Variants in DNER observed in about 807,000 individuals in gnomAD.
The protein encoded by DNER is delta/notch like EGF repeat containing.
DNER carries 33 observed loss-of-function variants against 78.2 expected under a neutral mutation model. The ratio of observed to expected loss-of-function variants is 0.42; its 90% CI spans 0.32 to 0.56. The LOEUF (loss-of-function observed/expected upper bound fraction) is 0.56, where lower values mean the gene tolerates loss of function less well. Ranked by LOEUF, DNER falls within the 20% of genes least tolerant of loss-of-function variation. DNER has a pLI of 0.11. For synonymous variants in DNER, 417 were observed against 384.8 expected, an observed-to-expected ratio of 1.08 and a Z score of -0.98; for missense variants, 918 against 975.3, an observed-to-expected ratio of 0.94 and a Z score of 0.78.
At chr2:229,487,163 G>A (rs1695293225) in intron 6 of DNER, among the ~76,000 whole-genome samples, 1 of 152,154 alleles carries the variant, frequency 6.6e-6, no homozygotes, top group African/African-American at 2.4e-5. Flanking sequence ...TTCTTTTTCT[G>A]AGTGGGAGGT....
chr2:229,587,470 G>A (rs1038399226), intron 3 of DNER, among the ~76,000 whole-genome samples: 4 of 152,010 alleles, frequency 2.6e-5, no homozygotes, highest in Non-Finnish European at 5.9e-5. Context: ...TTCCAAACAT[G>A]TTCAGGGACT....
chr2:229,528,789 T>C (rs1202791981), intron 5 of DNER, among the ~76,000 whole-genome samples: 1 of 152,198 alleles, frequency 6.6e-6, no homozygotes, highest in African/African-American at 2.4e-5. Flanking sequence ...CTGAAAAATG[T>C]GAGTGTCTTT....
At chr2:229,622,221 T>C (rs895817080) in intron 1 of DNER, among the ~76,000 whole-genome samples, 6 of 152,240 alleles carry the variant, frequency 3.9e-5, no homozygotes, top group African/African-American at 1.4e-4. Flanking sequence ...GAGTTTTACC[T>C]GAGCCCTGTA....
intron 1 of DNER, among the ~76,000 whole-genome samples, chr2:229,597,396 A>G (rs1697741958): frequency 1.3e-5 from 2 of 152,358 alleles, no homozygotes; most frequent in East Asian, 3.9e-4. Flanking sequence ...ACGTTTCTGT[A>G]TACAGTCAAG....
chr2:229,477,212 T>G lies in DNER; in HGVS notation c.1189A>C (p.Ile397Leu), dbSNP rs769150783. ...GCTCCATTTCTGCATGGGTCTAGGA[T>G]GCAGTAATCAATCTTGGACTGGCAA... ...ELCQSKIDYC[I>L]LDPCRNGATC... is the part of the protein sequence containing the mutation. The change falls in exon 7 of 13, where the codon ATC (isoleucine) becomes CTC (leucine). Residue 397 changes from isoleucine to leucine, a missense_variant. By Grantham distance (5) the Ile-to-Leu change is conservative. Coordinates refer to ENST00000341772, the MANE Select transcript of DNER (RefSeq NM_139072.4). The G allele has an allele frequency of 6.8e-6, 11 of 1,613,842 alleles. No homozygotes were observed. The highest frequency in any genetic ancestry group is 9.3e-6 in the Non-Finnish European group (11 of 1,179,936).
chr2:229,707,811 T>C (rs1332591268), intron 1 of DNER, among the ~76,000 whole-genome samples: 1 of 152,248 alleles, frequency 6.6e-6, no homozygotes, highest in Non-Finnish European at 1.5e-5. Context: ...CTTCACTGTT[T>C]TCTTATTGTT....
At chr2:229,678,856 G>A (rs992687086) in intron 1 of DNER, among the ~76,000 whole-genome samples, 4 of 152,196 alleles carry the variant, frequency 2.6e-5, no homozygotes, top group Non-Finnish European at 4.4e-5. Flanking sequence ...CCTACAGACA[G>A]TTAGGACATA....
At chr2:229,620,380 T>C (rs975242073) in intron 1 of DNER, among the ~76,000 whole-genome samples, 2 of 152,254 alleles carry the variant, frequency 1.3e-5, no homozygotes, top group African/African-American at 4.8e-5. Context: ...GTTATAATTA[T>C]GGATATCACC....
intron 1 of DNER, among the ~76,000 whole-genome samples, chr2:229,610,035 C>A (rs1009484290): frequency 6.6e-6 from 1 of 152,162 alleles, no homozygotes; most frequent in Non-Finnish European, 1.5e-5. Flanking sequence ...AACAGCATAA[C>A]TTTGCAGATG....
chr2:229,678,788 G>A lies in DNER; in HGVS notation c.276+35360C>T, dbSNP rs529508411. On this transcript the variant is annotated intron_variant, in intron 1 of 12. Coordinates refer to ENST00000341772, the MANE Select transcript of DNER (RefSeq NM_139072.4). ...CAGTATACCGTCACATGACTTTCCT[G>A]TATTTACAGGGTATAAGGAAGTCAT... 3.9e-5 allele frequency among the ~76,000 whole-genome samples: 6 copies of A among 152,322 alleles called. No homozygotes were observed. The South Asian group carries it at 6.2e-4, about 16-fold the overall frequency.
intron 1 of DNER, among the ~76,000 whole-genome samples, chr2:229,625,037 T>C (rs1457405441): frequency 1.3e-5 from 2 of 152,182 alleles, no homozygotes; most frequent in Non-Finnish European, 2.9e-5. Context: ...TTATTTCATT[T>C]TATTATTTTG....
intron 8 of DNER, among the ~76,000 whole-genome samples, chr2:229,433,026 G>A (rs1032933549): frequency 6.6e-6 from 1 of 152,090 alleles, no homozygotes; most frequent in African/African-American, 2.4e-5. Flanking sequence ...TGCAACTTCC[G>A]TCTCCTGAGT....
chr2:229,538,741 G>C (rs1696459290), intron 5 of DNER, among the ~76,000 whole-genome samples: 1 of 152,026 alleles, frequency 6.6e-6, no homozygotes, highest in South Asian at 2.1e-4. Context: ...GTTTCTCCAT[G>C]TTGGTCAGGC....
At chr2:229,619,934 A>G (rs569167643) in intron 1 of DNER, among the ~76,000 whole-genome samples, 60 of 152,316 alleles carry the variant, frequency 3.9e-4, no homozygotes, top group African/African-American at 1.3e-3. Flanking sequence ...CTACTATTCC[A>G]TCCTCACCTT....
At chr2:229,409,729 G>C (rs1693466688) in intron 9 of DNER, among the ~76,000 whole-genome samples, 1 of 152,070 alleles carries the variant, frequency 6.6e-6, no homozygotes, top group South Asian at 2.1e-4. Context: ...CATCTATTGA[G>C]AGTTCTCTGG....
At chr2:229,397,115 T>C (rs1157277891) in intron 10 of DNER, among the ~76,000 whole-genome samples, 1 of 152,144 alleles carries the variant, frequency 6.6e-6, no homozygotes, top group Non-Finnish European at 1.5e-5. Flanking sequence ...TTTGGAAAGA[T>C]GGAGCAGATA....
intron 4 of DNER, among the ~76,000 whole-genome samples, chr2:229,585,392 GGCTCATGCCT>G (rs1697477812): frequency 6.6e-6 from 1 of 152,110 alleles, no homozygotes; most frequent in Non-Finnish European, 1.5e-5. Flanking sequence ...CAGGCTCAGT[GGCTCATGCCT>G]ATAATCCCAA....
chr2:229,647,669 G>A (rs183631040), intron 1 of DNER, among the ~76,000 whole-genome samples: 111 of 152,182 alleles, frequency 7.3e-4, no homozygotes, highest in African/African-American at 2.3e-3. Flanking sequence ...AAACAATTTC[G>A]AAGTGACAAC....
Position 229,526,693 on chromosome 2 carries a change from A to G in DNER, c.994-13757T>C, listed in dbSNP as rs1045287166. ...ATCGGACAGGAGGCAGAGCTCAGGC[A>G]GTAGTGCTCGCTCGCCACTGACTTT... is the stretch of plus-strand genomic sequence containing the variant. On this transcript the variant is annotated intron_variant, in intron 5 of 12. Transcript: ENST00000341772. 2.0e-5 allele frequency among the ~76,000 whole-genome samples: 3 copies of G among 152,302 alleles called. No individual in the cohort carries two copies. The South Asian group carries it at 6.2e-4, about 32-fold the overall frequency.
Sources: allele counts gnomAD v4.1 joint callset (sites outside exome capture counted in the v4.1 genomes callset), GRCh38; gene constraint gnomAD v4.1.1; transcripts MANE v1.5; gene names NCBI Gene and HGNC (gene_info 2026-07-23, HGNC 2026-07-21).